Variants in HNF4G observed in about 807,000 individuals in gnomAD.
HNF4G encodes hepatocyte nuclear factor 4 gamma.
HNF4G carries 21 observed loss-of-function variants against 50.9 expected under a neutral mutation model. That is an observed-to-expected ratio of 0.41 (90% confidence interval 0.29 to 0.59). HNF4G has a LOEUF of 0.59. Among genes scored for constraint, HNF4G ranks in the 20% least tolerant of loss-of-function variants. The probability of loss-of-function intolerance (pLI) is 0.26; values close to 1 mark genes in which losing one functional copy is unlikely to be tolerated. For missense variants in HNF4G, 527 were observed against 559.4 expected (o/e 0.94, Z 0.58); for synonymous variants, 198 against 185.6 (o/e 1.07, Z -0.54).
At chr8:75,523,712 C>T (rs1585920548) in intron 2 of HNF4G, among the ~76,000 whole-genome samples, 1 of 151,680 alleles carries the variant, frequency 6.6e-6, no homozygotes, top group Admixed American at 6.6e-5. Context: ...AAAACTTCTC[C>T]CTGCTGTATA....
Position 75,564,783 on chromosome 8 carries a change from A to T in HNF4G, c.*687A>T, listed in dbSNP as rs895146241. 2.0e-5 allele frequency: 3 copies of T among 152,226 alleles called. No homozygotes were observed. The highest frequency in any genetic ancestry group is 7.2e-5 in the African/African-American group (3 of 41,470). The allele number at this position is 152,226 out of a possible 1,614,324, so 9.4% of individuals were successfully genotyped here. A position where few individuals can be genotyped will look rare whatever the true frequency, so the allele number is the denominator to read the frequency against. ...TTTTATCAGTTAGGATACAGGGTGAACTGTAACAAAGAAACCCCTAAAACA... is the reference window on the plus strand; with the variant it reads ...TTTTATCAGTTAGGATACAGGGTGATCTGTAACAAAGAAACCCCTAAAACA... On this transcript the variant is annotated 3_prime_UTR_variant, in exon 10 of 10. Transcript: ENST00000396423.
intron 1 of HNF4G, among the ~76,000 whole-genome samples, chr8:75,476,382 A>C (rs528838028): frequency 2.6e-5 from 4 of 152,318 alleles, no homozygotes; most frequent in African/African-American, 9.6e-5. Flanking sequence ...TATTGTGAAC[A>C]GTGCTGCAAT....
At chr8:75,505,982 T>A (rs980732150) in intron 2 of HNF4G, among the ~76,000 whole-genome samples, 1 of 151,994 alleles carries the variant, frequency 6.6e-6, no homozygotes, top group African/African-American at 2.4e-5. Context: ...GGGAGCAAAA[T>A]TGAACTTTTA....
chr8:75,441,713 A>T (rs1199975949), intron 1 of HNF4G, among the ~76,000 whole-genome samples: 1 of 152,230 alleles, frequency 6.6e-6, no homozygotes, highest in Non-Finnish European at 1.5e-5. Flanking sequence ...TATTATAGCA[A>T]AACCAGATTA....
In HNF4G at chr8:75,463,680, T is replaced by C. The variant is rs144429544; in HGVS notation, c.-143-26409T>C. ...ACTCATTTCCTCAAGTTTTCCTTTC[T>C]TCAGCAGCTTAACTTTGGTCAGGTG... On this transcript the variant is annotated intron_variant, in intron 1 of 10. Transcript: ENST00000354370. Among the ~76,000 whole-genome samples, 34 of 152,298 alleles carry C rather than the reference T, an allele frequency of 2.2e-4. No individual in the cohort carries two copies. The East Asian group carries it at 4.4e-3, about 20-fold the overall frequency.
chr8:75,427,199 T>C (rs559646686), intron 1 of HNF4G, among the ~76,000 whole-genome samples: 27 of 152,188 alleles, frequency 1.8e-4, no homozygotes, highest in Non-Finnish European at 2.9e-4. Context: ...GCATGTTACC[T>C]TGTGAGTATC....
upstream of HNF4G, among the ~76,000 whole-genome samples, chr8:75,537,444 C>T (rs898545085): frequency 1.3e-5 from 2 of 151,886 alleles, no homozygotes; most frequent in African/African-American, 4.8e-5. Flanking sequence ...TAGCGTTTTG[C>T]CATGTTGCTG....
intron 2 of HNF4G, among the ~76,000 whole-genome samples, chr8:75,505,333 C>G (rs1322516247): frequency 1.3e-5 from 2 of 152,098 alleles, no homozygotes; most frequent in African/African-American, 4.8e-5. Context: ...GTGCTTCTTT[C>G]CTGATTCATT....
intron 1 of HNF4G, among the ~76,000 whole-genome samples, chr8:75,450,477 G>T (rs778692489): frequency 6.6e-6 from 1 of 152,126 alleles, no homozygotes; most frequent in Non-Finnish European, 1.5e-5. Flanking sequence ...TGGATCATAT[G>T]GTAGTTCTAT....
chr8:75,523,782 T>G (rs1251846805), intron 2 of HNF4G, among the ~76,000 whole-genome samples: 2 of 151,960 alleles, frequency 1.3e-5, no homozygotes, highest in Admixed American at 6.6e-5. Context: ...GAAAACCATG[T>G]CATTGCAGTA....
intron 3 of HNF4G, among the ~76,000 whole-genome samples, chr8:75,549,380 C>T (rs1299968345): frequency 6.6e-6 from 1 of 152,024 alleles, no homozygotes; most frequent in African/African-American, 2.4e-5. Context: ...TTCATAAACG[C>T]TTAGCTAACA....
At chr8:75,450,963 A>T (rs1431247289) in intron 1 of HNF4G, among the ~76,000 whole-genome samples, 1 of 152,180 alleles carries the variant, frequency 6.6e-6, no homozygotes, top group Non-Finnish European at 1.5e-5. Flanking sequence ...GCCCTTCACC[A>T]GATGCCAGCA....
intron 2 of HNF4G, among the ~76,000 whole-genome samples, chr8:75,533,215 C>T (rs1206600121): frequency 6.6e-6 from 1 of 151,966 alleles, no homozygotes; most frequent in Non-Finnish European, 1.5e-5. Flanking sequence ...CTAGGAACTG[C>T]AGACAAAATA....
chr8:75,467,475 C>T (rs1563518076), intron 1 of HNF4G, among the ~76,000 whole-genome samples: 1 of 152,164 alleles, frequency 6.6e-6, no homozygotes, highest in Admixed American at 6.5e-5. Flanking sequence ...TTCTGGCCAA[C>T]ATGGTGAAAC....
chr8:75,563,307 T>G (rs1807367567), intron 9 of HNF4G, among the ~76,000 whole-genome samples: 4 of 152,166 alleles, frequency 2.6e-5, no homozygotes, highest in Admixed American at 2.6e-4. Flanking sequence ...TTTGAAACTG[T>G]AACTTTTTAC....
intron 1 of HNF4G, among the ~76,000 whole-genome samples, chr8:75,456,844 G>A (rs1433161659): frequency 1.3e-5 from 2 of 151,936 alleles, no homozygotes; most frequent in East Asian, 1.9e-4. Context: ...GGATTTAAGC[G>A]ATTCCCCCAC....
chr8:75,448,861 C>A (rs1240734488), intron 1 of HNF4G, among the ~76,000 whole-genome samples: 3 of 152,050 alleles, frequency 2.0e-5, no homozygotes, highest in Admixed American at 2.0e-4. Flanking sequence ...ACAAATCAAG[C>A]AACCTGTTGA....
intron 1 of HNF4G, among the ~76,000 whole-genome samples, chr8:75,462,662 A>G (rs1811881873): frequency 6.6e-6 from 1 of 152,240 alleles, no homozygotes; most frequent in African/African-American, 2.4e-5. Context: ...GAGAAAAAAT[A>G]CAATCACAGA....
intron 2 of HNF4G, among the ~76,000 whole-genome samples, chr8:75,518,416 G>A (rs928207113): frequency 6.6e-6 from 1 of 151,912 alleles, no homozygotes. Context: ...TGTGGAAGTC[G>A]GTGTGGCGAT....
Sources: gnomAD v4.1 joint callset for allele counts (sites outside exome capture counted in the v4.1 genomes callset) on GRCh38, gnomAD v4.1.1 for gene constraint, MANE v1.5 for transcripts, NCBI Gene and HGNC (gene_info 2026-07-23, HGNC 2026-07-21) for gene names.